The following HOMER3 variants were observed in gnomAD, a reference collection of about 807,000 sequenced individuals.
HOMER3 encodes the protein homer scaffold protein 3.
HOMER3 carries 34 observed loss-of-function variants against 45.5 expected under a neutral mutation model. That is an observed-to-expected ratio of 0.75 (90% confidence interval 0.57 to 1.00). The LOEUF (loss-of-function observed/expected upper bound fraction) is 1.00, where lower values mean the gene tolerates loss of function less well. HOMER3 is among the 50% of genes least tolerant of loss of function. HOMER3 has a pLI of 0.00. For missense variants in HOMER3, 480 were observed against 497.5 expected (o/e 0.96, Z 0.33); for synonymous variants, 223 against 208.8 (o/e 1.07, Z -0.58).
At position 18,939,015 on chromosome 19, in the gene HOMER3, C is replaced by G; in HGVS notation, c.-33G>C. 1 of 1,549,210 alleles carries G rather than the reference C, an allele frequency of 6.5e-7. No individual in the cohort carries two copies. The highest frequency in any genetic ancestry group is 8.7e-7 in the Non-Finnish European group (1 of 1,148,414). On this transcript the variant is annotated 5_prime_UTR_variant, in exon 2 of 10. Coordinates refer to ENST00000392351, the MANE Select transcript of HOMER3 (RefSeq NM_004838.4). ...GCTGGGATGGGCAGGCTCTAGGGGG[C>G]AGCCAGAGAGGTGGCAGGAGCACTG... is the stretch of plus-strand genomic sequence containing the variant.
Position 18,929,461 on chromosome 19 carries a change from C to A in HOMER3, c.1068G>T (p.Leu356=), listed in dbSNP as rs1287932876. The A allele has an allele frequency of 6.3e-7, 1 of 1,595,432 alleles. No homozygotes were observed. The highest frequency in any genetic ancestry group is 8.5e-7 in the Non-Finnish European group (1 of 1,174,484). ...CCCCGGCTCAGGGCGCAGCCTCAGC[C>A]AGGCGGGCCAGGCCCTCACGCAGCT... ...LSELREGLAR[L]AEAAP The change falls in exon 10 of 10, where the codon CTG becomes CTT. Residue 356 remains leucine (L), a synonymous_variant. Transcript: ENST00000392351.
At chr19:18,934,876 T>TG (rs146578629) in intron 4 of HOMER3, among the ~76,000 whole-genome samples, 2 of 150,468 alleles carry the variant, frequency 1.3e-5, no homozygotes, top group African/African-American at 2.4e-5. Flanking sequence ...TTTTTGTTTT[T>TG]TTTTTTTTTG....
At chr19:18,932,266 G>A (rs891329243) in intron 6 of HOMER3, 134 bp from the exon 7 acceptor site, 2 of 891,340 alleles carry the variant, frequency 2.2e-6, no homozygotes, top group South Asian at 3.9e-5. Flanking sequence ...CGAGGGTGCG[G>A]AGTCGTGCGC....
Position 18,931,325 on chromosome 19 carries a change from C to T in HOMER3, c.894G>A (p.Gln298=), listed in dbSNP as rs1190420280. 3.1e-6 allele frequency: 5 copies of T among 1,614,022 alleles called. No homozygotes were observed. Among genetic ancestry groups the T allele is most frequent in the Admixed American group, 1.7e-5 (1 of 60,028 alleles). Residue 298 remains glutamine (Q), a splice_region_variant and synonymous_variant, in exon 9 of 10, where the codon CAG becomes CAA. Coordinates refer to ENST00000392351, the MANE Select transcript of HOMER3 (RefSeq NM_004838.4). ...CCCACCTCCTTGTGCCCACACACAC[C>T]TGCACCTTCTGCTGAGTCTCCTCAC... ...AEREETQQKV[Q]DLETRNAELE... is the part of the protein sequence containing the mutation.
At chr19:18,932,848 T>C (rs1474788568) in intron 6 of HOMER3, 76 bp downstream of exon 6, 2 of 1,180,620 alleles carry the variant, frequency 1.7e-6, no homozygotes, top group African/African-American at 1.6e-5. Context: ...TGGCACTCCC[T>C]TGGCTTCCAA....
chr19:18,938,809 C>T lies in HOMER3; in HGVS notation c.90G>A (p.Ala30=), dbSNP rs774926070. 2.1e-5 allele frequency: 33 copies of T among 1,599,756 alleles called. No individual in the cohort carries two copies. Among genetic ancestry groups the T allele is most frequent in the Middle Eastern group, 3.3e-4 (2 of 6,066 alleles). The stretch of plus-strand genomic sequence containing the variant: ...AGGAGACAGTGAGTGCGTGCTTGCC[C>T]GCTGGGATCCAGTTTCGCTTGGTGG... The part of the protein sequence containing the change: ...DPATKRNWIP[A]GKHALTVSYF... Residue 30 remains alanine, a synonymous_variant, in exon 3 of 10, where the codon GCG becomes GCA. Transcript: ENST00000392351.
At chr19:18,934,591 TCA>T (rs2057072125) in intron 4 of HOMER3, among the ~76,000 whole-genome samples, 181 bp from the exon 5 acceptor site, 1 of 152,142 alleles carries the variant, frequency 6.6e-6, no homozygotes, top group Non-Finnish European at 1.5e-5. Context: ...TGGCATCAGA[TCA>T]CAGAGGTGGC....
intron 6 of HOMER3, 28 bp downstream of exon 6, chr19:18,932,896 T>TGCCACGCCCCC: frequency 4.4e-6 from 1 of 229,490 alleles, no homozygotes; most frequent in Non-Finnish European, 7.7e-6. Context: ...CCCCCGCCCC[T>TGCCACGCCCCC]GCCACGCCCC....
At chr19:18,934,006 A>C (rs2057065684) in intron 5 of HOMER3, among the ~76,000 whole-genome samples, 2 of 152,018 alleles carry the variant, frequency 1.3e-5, no homozygotes, top group Non-Finnish European at 2.9e-5. Context: ...GCACCCGGCC[A>C]CACTTAGCCA....
chr19:18,937,607 G>C (rs1263466581), intron 4 of HOMER3, among the ~76,000 whole-genome samples: 2 of 150,854 alleles, frequency 1.3e-5, no homozygotes, highest in Admixed American at 6.6e-5. Context: ...GGGAGGTGGA[G>C]GTTGCAGTGA....
intron 5 of HOMER3, among the ~76,000 whole-genome samples, chr19:18,933,603 G>A (rs1008666104): frequency 2.0e-5 from 3 of 152,138 alleles, no homozygotes; most frequent in Non-Finnish European, 4.4e-5. Context: ...CACAGCCCTC[G>A]GCCTGGTACA....
intron 6 of HOMER3, 70 bp from the exon 7 acceptor site, chr19:18,932,202 G>C: frequency 7.2e-7 from 1 of 1,381,078 alleles, no homozygotes; most frequent in Non-Finnish European, 9.8e-7. Context: ...TGCTGGGCTA[G>C]GGGGCGGGGC....
At chr19:18,938,631 G>T in intron 3 of HOMER3, 97 bp downstream of exon 3, 2 of 1,508,992 alleles carry the variant, frequency 1.3e-6, no homozygotes, top group Non-Finnish European at 1.8e-6. Flanking sequence ...AAGGCTTAGG[G>T]TTTCCTGTCC....
chr19:18,933,698 C>T (rs1416387458), intron 5 of HOMER3, among the ~76,000 whole-genome samples: 1 of 151,962 alleles, frequency 6.6e-6, no homozygotes, highest in Non-Finnish European at 1.5e-5. Context: ...CACACTTAGC[C>T]ATTTCTTTCT....
intron 3 of HOMER3, 58 bp downstream of exon 3, chr19:18,938,670 A>G: frequency 1.3e-6 from 2 of 1,552,960 alleles, no homozygotes; most frequent in Non-Finnish European, 8.7e-7. Context: ...CAGCCACCAG[A>G]CCCAAGGTTG....
chr19:18,940,285 T>C (rs947921779), intron 1 of HOMER3: 1 of 152,238 alleles, frequency 6.6e-6, no homozygotes, highest in Non-Finnish European at 1.5e-5. Context: ...CGGCAGCTCC[T>C]GCTGCGACTT....
intron 9 of HOMER3, among the ~76,000 whole-genome samples, chr19:18,931,064 C>G (rs940438086): frequency 6.6e-6 from 1 of 152,178 alleles, no homozygotes; most frequent in Non-Finnish European, 1.5e-5. Flanking sequence ...AATGCAGGCT[C>G]TGTGATCTCA....
chr19:18,933,357 C>T (rs141924821), intron 5 of HOMER3, among the ~76,000 whole-genome samples: 14 of 152,298 alleles, frequency 9.2e-5, no homozygotes, highest in African/African-American at 3.4e-4. Flanking sequence ...GGGGTACAAT[C>T]GGACACCTCC....
At chr19:18,935,924 C>A (rs1485534909) in intron 4 of HOMER3, among the ~76,000 whole-genome samples, 1 of 150,240 alleles carries the variant, frequency 6.7e-6, no homozygotes, top group Non-Finnish European at 1.5e-5. Flanking sequence ...GAGGCTGAGG[C>A]AGGAGAATTG....
Sources: gnomAD v4.1 joint callset for allele counts (sites outside exome capture counted in the v4.1 genomes callset) on GRCh38, gnomAD v4.1.1 for gene constraint, MANE v1.5 for transcripts, NCBI Gene and HGNC (gene_info 2026-07-23, HGNC 2026-07-21) for gene names.